ADAMTS6: variants seen among roughly 807,000 people sequenced by gnomAD.
ADAMTS6 encodes A disintegrin and metalloproteinase with thrombospondin motifs 6.
Under a neutral mutation model 144.3 loss-of-function variants are expected in ADAMTS6, and 23 were observed. The observed-to-expected ratio is 0.16, with a 90% CI of 0.11 to 0.23. The LOEUF is 0.23. ADAMTS6 is among the 10% of genes least tolerant of loss of function. The pLI is 1.00. For synonymous variants in ADAMTS6, 444 were observed against 457.5 expected, an observed-to-expected ratio of 0.97 and a Z score of 0.38; for missense variants, 999 against 1,379.6, an observed-to-expected ratio of 0.72 and a Z score of 4.37.
chr5:65,417,312 C>T (rs943082516), intron 7 of ADAMTS6, among the ~76,000 whole-genome samples: 2 of 152,100 alleles, frequency 1.3e-5, no homozygotes, highest in African/African-American at 4.8e-5. Flanking sequence ...CCCTTGAGAA[C>T]TGGAATAAGA....
chr5:65,371,268 G>A (rs543830961), intron 7 of ADAMTS6, among the ~76,000 whole-genome samples: 43 of 152,032 alleles, frequency 2.8e-4, no homozygotes, highest in African/African-American at 8.7e-4. Flanking sequence ...AAAGCTGGAC[G>A]GAGAATGACT....
chr5:65,428,225 CAAAAAAAAA>C (rs759344039), intron 7 of ADAMTS6, among the ~76,000 whole-genome samples: 1 of 58,400 alleles, frequency 1.7e-5, no homozygotes, highest in Non-Finnish European at 3.8e-5. Flanking sequence ...GACTCCATCT[CAAAAAAAAA>C]AAAAAAAAAA....
chr5:65,451,361 C>A, intron 7 of ADAMTS6, 114 bp downstream of exon 7: 2 of 1,133,108 alleles, frequency 1.8e-6, no homozygotes, highest in South Asian at 1.6e-5. Flanking sequence ...AAATAAATTA[C>A]CATTTTGCTT....
chr5:65,240,711 C>A (rs1380594848), intron 15 of ADAMTS6, among the ~76,000 whole-genome samples: 1 of 152,078 alleles, frequency 6.6e-6, no homozygotes, highest in Non-Finnish European at 1.5e-5. Flanking sequence ...CATGCTGACA[C>A]TTTGATCTTG....
At chr5:65,225,456 G>C (rs1019539503) in intron 16 of ADAMTS6, among the ~76,000 whole-genome samples, 15 of 152,078 alleles carry the variant, frequency 9.9e-5, no homozygotes, top group Non-Finnish European at 2.2e-4. Context: ...AACAAAACCA[G>C]ACAAGTAAAA....
intron 22 of ADAMTS6, among the ~76,000 whole-genome samples, chr5:65,187,029 T>G (rs1297558161): frequency 6.6e-6 from 1 of 152,206 alleles, no homozygotes; most frequent in African/African-American, 2.4e-5. Flanking sequence ...TTTTGACAAA[T>G]GTATGAGGTC....
intron 21 of ADAMTS6, among the ~76,000 whole-genome samples, chr5:65,195,000 C>T (rs967021182): frequency 1.3e-5 from 2 of 152,130 alleles, no homozygotes; most frequent in African/African-American, 2.4e-5. Flanking sequence ...TAAGCTTAAA[C>T]AAATGAAAAA....
At chr5:65,367,975 ATC>A (rs964174659) in intron 7 of ADAMTS6, among the ~76,000 whole-genome samples, 9 of 152,114 alleles carry the variant, frequency 5.9e-5, no homozygotes, top group African/African-American at 2.2e-4. Flanking sequence ...CAAAAAAATT[ATC>A]TTTTTTAATT....
chr5:65,333,279 A>G (rs1746956619), intron 8 of ADAMTS6, among the ~76,000 whole-genome samples: 1 of 152,110 alleles, frequency 6.6e-6, no homozygotes, highest in Non-Finnish European at 1.5e-5. Flanking sequence ...TTAATAATTT[A>G]GACTACTGGA....
chr5:65,250,702 T>C (rs1473042187), intron 14 of ADAMTS6, among the ~76,000 whole-genome samples: 1 of 152,190 alleles, frequency 6.6e-6, no homozygotes. Flanking sequence ...AGAAGTTCTA[T>C]CATAATCATA....
chr5:65,418,198 C>T (rs1310714182), intron 7 of ADAMTS6, among the ~76,000 whole-genome samples: 1 of 152,104 alleles, frequency 6.6e-6, no homozygotes, highest in Non-Finnish European at 1.5e-5. Context: ...CCACCTTTTA[C>T]TATATATAAA....
chr5:65,326,235 T>C (rs1746163511), intron 9 of ADAMTS6, among the ~76,000 whole-genome samples: 1 of 152,178 alleles, frequency 6.6e-6, no homozygotes, highest in African/African-American at 2.4e-5. Flanking sequence ...TCTTTTCAAC[T>C]TATAAAATTC....
At chr5:65,352,672 C>T (rs960669810) in intron 7 of ADAMTS6, among the ~76,000 whole-genome samples, 4 of 151,918 alleles carry the variant, frequency 2.6e-5, no homozygotes, top group African/African-American at 9.7e-5. Flanking sequence ...TTTACTTAGC[C>T]TAAAAAATGT....
At chr5:65,225,172 G>A (rs971930418) in intron 16 of ADAMTS6, 125 bp from the exon 17 acceptor site, 47 of 1,140,652 alleles carry the variant, frequency 4.1e-5, no homozygotes, top group South Asian at 3.2e-4. Flanking sequence ...AAGGTAATCC[G>A]TGAATAAAAA....
At chr5:65,392,034 G>A (rs1230007603) in intron 7 of ADAMTS6, among the ~76,000 whole-genome samples, 1 of 151,894 alleles carries the variant, frequency 6.6e-6, no homozygotes, top group Non-Finnish European at 1.5e-5. Context: ...CCGCACCCAA[G>A]CTGACATTAA....
At chr5:65,411,560 A>T (rs1309318344) in intron 7 of ADAMTS6, among the ~76,000 whole-genome samples, 1 of 152,084 alleles carries the variant, frequency 6.6e-6, no homozygotes, top group East Asian at 1.9e-4. Context: ...CCTTCCCCAT[A>T]GTCTATCTGG....
At chr5:65,401,555 A>G (rs1753917216) in intron 7 of ADAMTS6, among the ~76,000 whole-genome samples, 1 of 152,212 alleles carries the variant, frequency 6.6e-6, no homozygotes, top group South Asian at 2.1e-4. Context: ...GGGTCCATTT[A>G]AAACTAGGTC....
At chr5:65,390,562 A>C (rs1244308967) in intron 7 of ADAMTS6, among the ~76,000 whole-genome samples, 1 of 152,256 alleles carries the variant, frequency 6.6e-6, no homozygotes, top group Non-Finnish European at 1.5e-5. Flanking sequence ...CATTGAAAAG[A>C]ATGTATGTTA....
intron 7 of ADAMTS6, among the ~76,000 whole-genome samples, chr5:65,431,242 T>C (rs957170095): frequency 3.9e-5 from 6 of 152,130 alleles, no homozygotes; most frequent in Admixed American, 2.0e-4. Flanking sequence ...CTCAATAGCC[T>C]TTATAATTGG....
Sources: allele counts gnomAD v4.1 joint callset (sites outside exome capture counted in the v4.1 genomes callset), GRCh38; gene constraint gnomAD v4.1.1; transcripts MANE v1.5; gene names NCBI Gene and HGNC (gene_info 2026-07-23, HGNC 2026-07-21).